The following CNTNAP2 variants were observed in gnomAD, a reference collection of about 807,000 sequenced individuals.
CNTNAP2 encodes contactin associated protein 2.
In CNTNAP2, 98 loss-of-function variants were observed where a neutral mutation model predicts 155.2. That is an observed-to-expected ratio of 0.63 (90% CI 0.54 to 0.75). The LOEUF (loss-of-function observed/expected upper bound fraction) is 0.75, where lower values mean the gene tolerates loss of function less well. Among genes scored for constraint, CNTNAP2 ranks in the 30% least tolerant of loss-of-function variants. The probability of loss-of-function intolerance (pLI) is 0.00; values close to 1 mark genes in which losing one functional copy is unlikely to be tolerated. For missense variants in CNTNAP2, 1,727 were observed against 1,688.1 expected, an observed-to-expected ratio of 1.02 and a Z score of -0.40; for synonymous variants, 651 against 631.2, an observed-to-expected ratio of 1.03 and a Z score of -0.47.
chr7:146,681,410 A>T, intron 1 of CNTNAP2, among the ~76,000 whole-genome samples: 1 of 116,418 alleles, frequency 8.6e-6, no homozygotes, highest in Non-Finnish European at 1.8e-5. Flanking sequence ...GAAACAAGAC[A>T]CACAGGGTCC....
At chr7:146,312,026 A>G (rs758852572) in intron 1 of CNTNAP2, among the ~76,000 whole-genome samples, 4 of 152,288 alleles carry the variant, frequency 2.6e-5, no homozygotes, top group Non-Finnish European at 5.9e-5. Context: ...ATTTTCAATG[A>G]GAGAAGACCG....
chr7:148,297,155 G>A (rs1797299427), intron 21 of CNTNAP2, among the ~76,000 whole-genome samples: 1 of 77,878 alleles, frequency 1.3e-5, no homozygotes, highest in African/African-American at 4.6e-5. Flanking sequence ...AAAAGAGAGG[G>A]AGATAGAGAA....
intron 3 of CNTNAP2, among the ~76,000 whole-genome samples, chr7:146,919,872 T>C (rs1796466425): frequency 1.3e-5 from 2 of 152,164 alleles, no homozygotes; most frequent in African/African-American, 4.8e-5. Flanking sequence ...CCTGCAGTAG[T>C]TCTTGGAGCA....
At chr7:148,064,951 C>A (rs770904051) in intron 15 of CNTNAP2, among the ~76,000 whole-genome samples, 2 of 152,102 alleles carry the variant, frequency 1.3e-5, no homozygotes, top group African/African-American at 2.4e-5. Context: ...CCTCTTAGCA[C>A]CAACTTTGCT....
intron 1 of CNTNAP2, among the ~76,000 whole-genome samples, chr7:146,397,307 A>G (rs993734625): frequency 6.6e-6 from 1 of 152,272 alleles, no homozygotes; most frequent in African/African-American, 2.4e-5. Context: ...CGGAGACCAC[A>G]TTTACCACAT....
At chr7:147,337,004 A>G (rs1226245112) in intron 9 of CNTNAP2, among the ~76,000 whole-genome samples, 2 of 152,180 alleles carry the variant, frequency 1.3e-5, no homozygotes, top group African/African-American at 2.4e-5. Context: ...AATGTCCTCT[A>G]TATACTGCAG....
At chr7:146,138,746 G>A (rs762290837) in intron 1 of CNTNAP2, among the ~76,000 whole-genome samples, 3 of 151,980 alleles carry the variant, frequency 2.0e-5, no homozygotes, top group Non-Finnish European at 4.4e-5. Flanking sequence ...TCACATAGTT[G>A]ACATTTCTTT....
At chr7:147,418,698 T>G (rs1464895333) in intron 10 of CNTNAP2, among the ~76,000 whole-genome samples, 1 of 152,242 alleles carries the variant, frequency 6.6e-6, no homozygotes, top group Admixed American at 6.5e-5. Context: ...AACAATTGAC[T>G]GGCAAATGGG....
chr7:147,500,057 A>AT (rs1241942858), intron 11 of CNTNAP2, among the ~76,000 whole-genome samples: 1 of 151,500 alleles, frequency 6.6e-6, no homozygotes, highest in Non-Finnish European at 1.5e-5. Flanking sequence ...AAAGAACAGT[A>AT]TTTTTTTCCA....
chr7:147,047,275 ATTTTTT>A (rs35453952), intron 4 of CNTNAP2, among the ~76,000 whole-genome samples: 6 of 111,398 alleles, frequency 5.4e-5, no homozygotes, highest in Non-Finnish European at 5.3e-5. Flanking sequence ...CGCCCGGCTA[ATTTTTT>A]TTTTTTTTTT....
At chr7:148,200,593 T>C (rs1012677851) in intron 18 of CNTNAP2, among the ~76,000 whole-genome samples, 10 of 152,224 alleles carry the variant, frequency 6.6e-5, no homozygotes, top group African/African-American at 2.4e-4. Context: ...AGGACTGATG[T>C]AGAGCTTTTC....
At chr7:147,317,226 G>A (rs2692160) in intron 9 of CNTNAP2, among the ~76,000 whole-genome samples, 74,762 of 152,056 alleles carry the variant, frequency 0.49, 19,545 homozygotes, top group East Asian at 0.73. Context: ...TCCACTGACG[G>A]TTTCAGTCCA....
chr7:146,238,068 T>C (rs1183827297), intron 1 of CNTNAP2, among the ~76,000 whole-genome samples: 1 of 152,224 alleles, frequency 6.6e-6, no homozygotes, highest in African/African-American at 2.4e-5. Flanking sequence ...ACATAGAAAA[T>C]TTAACTCTAC....
chr7:146,624,921 A>G (rs974354905), intron 1 of CNTNAP2, among the ~76,000 whole-genome samples: 17 of 152,116 alleles, frequency 1.1e-4, no homozygotes, highest in East Asian at 5.8e-4. Context: ...GATATTTTTA[A>G]CATGTTTTCC....
intron 9 of CNTNAP2, among the ~76,000 whole-genome samples, chr7:147,393,131 G>T (rs1796751103): frequency 6.6e-6 from 1 of 151,994 alleles, no homozygotes; most frequent in Admixed American, 6.6e-5. Context: ...CAACAAAAGG[G>T]TGTGAAGTCA....
intron 1 of CNTNAP2, among the ~76,000 whole-genome samples, chr7:146,342,590 GC>G (rs1794748058): frequency 6.6e-6 from 1 of 152,056 alleles, no homozygotes; most frequent in Non-Finnish European, 1.5e-5. Context: ...ACAAAAATAA[GC>G]TTTCTAGATA....
chr7:148,094,303 C>T (rs1298270798), intron 15 of CNTNAP2, among the ~76,000 whole-genome samples: 2 of 152,166 alleles, frequency 1.3e-5, no homozygotes, highest in East Asian at 1.9e-4. Context: ...CAGTAAATGA[C>T]ACATATTAAA....
At chr7:147,667,229 C>A (rs376055193) in intron 13 of CNTNAP2, among the ~76,000 whole-genome samples, 7 of 152,280 alleles carry the variant, frequency 4.6e-5, no homozygotes, top group African/African-American at 1.7e-4. Context: ...CTCTAGTTTT[C>A]AGTTGATTAG....
chr7:147,227,690 C>G (rs1354944589), intron 8 of CNTNAP2, among the ~76,000 whole-genome samples: 1 of 152,138 alleles, frequency 6.6e-6, no homozygotes, highest in Non-Finnish European at 1.5e-5. Context: ...AGGTTACATA[C>G]AGCCTGCTTT....
Sources: allele counts gnomAD v4.1 joint callset (sites outside exome capture counted in the v4.1 genomes callset), GRCh38; gene constraint gnomAD v4.1.1; transcripts MANE v1.5; gene names NCBI Gene and HGNC (gene_info 2026-07-23, HGNC 2026-07-21).